The following ANKS1B variants were observed in gnomAD, a reference collection of about 807,000 sequenced individuals.
ANKS1B encodes ankyrin repeat and sterile alpha motif domain-containing protein 1B.
ANKS1B carries 36 observed loss-of-function variants against 148.3 expected under a neutral mutation model. That is an observed-to-expected ratio of 0.24 (90% CI 0.19 to 0.32). The LOEUF is 0.32. Among genes scored for constraint, ANKS1B ranks in the 10% least tolerant of loss-of-function variants. ANKS1B has a pLI of 1.00. For synonymous variants in ANKS1B, 542 were observed against 560.8 expected (o/e 0.97, Z 0.47); for missense variants, 1,157 against 1,542.6 (o/e 0.75, Z 4.19).
chr12:99,134,185 T>C (rs577581798), intron 15 of ANKS1B, among the ~76,000 whole-genome samples: 1 of 152,336 alleles, frequency 6.6e-6, no homozygotes, highest in Non-Finnish European at 1.5e-5. Context: ...ACTGTACTTC[T>C]ATTTCAAGAT....
At chr12:99,910,979 T>C (rs1171722814) in intron 1 of ANKS1B, among the ~76,000 whole-genome samples, 1 of 152,248 alleles carries the variant, frequency 6.6e-6, no homozygotes, top group Non-Finnish European at 1.5e-5. Flanking sequence ...TACGTAATCT[T>C]ATTAAAACCT....
At chr12:99,220,340 G>A (rs1234061069) in intron 14 of ANKS1B, among the ~76,000 whole-genome samples, 1 of 151,236 alleles carries the variant, frequency 6.6e-6, no homozygotes, top group Non-Finnish European at 1.5e-5. Context: ...ATGTGATGTT[G>A]ACACATGAGT....
intron 22 of ANKS1B, among the ~76,000 whole-genome samples, chr12:98,791,482 T>C (rs917565514): frequency 1.3e-5 from 2 of 152,216 alleles, no homozygotes; most frequent in Non-Finnish European, 2.9e-5. Flanking sequence ...CTGTATTCAC[T>C]ATGACTCACG....
Position 98,940,854 on chromosome 12 carries a change from T to C in ANKS1B, c.2779-108718A>G, listed in dbSNP as rs1597299214. On this transcript the variant is annotated intron_variant, in intron 17 of 26. Coordinates refer to ENST00000683438, the MANE Select transcript of ANKS1B (RefSeq NM_001352186.2). The stretch of plus-strand genomic sequence containing the variant: ...TGTTTGAATATGTCATTGAAAGGCA[T>C]ATCTCAAAAAATATTTACTAACATT... 2.0e-5 allele frequency among the ~76,000 whole-genome samples: 3 copies of C among 152,310 alleles called. No individual in the cohort carries two copies. The South Asian group carries it at 6.2e-4, about 32-fold the overall frequency.
chr12:99,366,014 C>T (rs752346518), intron 12 of ANKS1B, among the ~76,000 whole-genome samples: 3 of 152,224 alleles, frequency 2.0e-5, no homozygotes, highest in Non-Finnish European at 2.9e-5. Flanking sequence ...ATCAGCGTCA[C>T]TGGACCTGGA....
At chr12:98,946,283 G>T (rs756714121) in intron 17 of ANKS1B, among the ~76,000 whole-genome samples, 44 of 152,200 alleles carry the variant, frequency 2.9e-4, no homozygotes, top group Non-Finnish European at 3.8e-4. Flanking sequence ...TGTCCTAGAA[G>T]AATCACAGGG....
At chr12:98,779,526 A>G (rs1406437644) in intron 24 of ANKS1B, among the ~76,000 whole-genome samples, 1 of 152,170 alleles carries the variant, frequency 6.6e-6, no homozygotes. Flanking sequence ...TGTCAAATTC[A>G]TCCACTGAAA....
At chr12:99,290,410 C>T (rs142546431) in intron 12 of ANKS1B, among the ~76,000 whole-genome samples, 123 of 151,980 alleles carry the variant, frequency 8.1e-4, no homozygotes, top group African/African-American at 2.8e-3. Context: ...CCTCTAAACT[C>T]ATTCTATGAA....
rs967833033 is a variant in ANKS1B at position 99,243,905 on chromosome 12, A to G, written c.2419+437T>C. 5.3e-5 allele frequency among the ~76,000 whole-genome samples: 8 copies of G among 152,272 alleles called. 1 individual carries two copies. The highest frequency in any genetic ancestry group is 1.9e-4 in the African/African-American group (8 of 41,546). ...GCTGGGGGAGGGATAGCATTAGGAGAAATACCTAATGTAAATGACGAGTTG... is the reference window on the plus strand; with the variant it reads ...GCTGGGGGAGGGATAGCATTAGGAGGAATACCTAATGTAAATGACGAGTTG... On this transcript the variant is annotated intron_variant, in intron 14 of 26. Coordinates refer to ENST00000683438, the MANE Select transcript of ANKS1B (RefSeq NM_001352186.2).
rs573083131 is a variant in ANKS1B at position 99,655,007 on chromosome 12, T to C, written c.1272+60A>G. The C allele has an allele frequency of 4.9e-5, 73 of 1,502,644 alleles. 1 individual carries two copies. In the South Asian group the frequency reaches 9.9e-4, roughly 20 times the overall value. 93.1% of individuals were successfully genotyped at this position (1,502,644 alleles called of 1,614,324 possible). A position where few individuals can be genotyped will look rare whatever the true frequency, so the allele number is the denominator to read the frequency against. Reference sequence around the variant, plus strand: ...ATTTTCGAAGGGGAGGGAGATTTTATCTTAAAAACATAGGCAACCATTTTT... The same window carrying C: ...ATTTTCGAAGGGGAGGGAGATTTTACCTTAAAAACATAGGCAACCATTTTT... On this transcript the variant is annotated intron_variant, in intron 9 of 26. Coordinates refer to ENST00000683438, the MANE Select transcript of ANKS1B (RefSeq NM_001352186.2).
rs1437755332 is a variant in ANKS1B, at chr12:99,812,581, AGAGC to A, written c.216-274_216-271del. On this transcript the variant is annotated intron_variant, in intron 2 of 26. Transcript: ENST00000683438. Reference sequence around the variant, plus strand: ...CACAGAGAGAGAGAGAGAGAGAAAGAGAGCGAGAGCACACATTGACTAACCAATT... The same window carrying A: ...CACAGAGAGAGAGAGAGAGAGAAAGAGAGAGCACACATTGACTAACCAATT... 6.7e-5 allele frequency among the ~76,000 whole-genome samples: 10 copies of A among 148,790 alleles called. No individual in the cohort carries two copies. In the East Asian group the frequency reaches 1.4e-3, roughly 21 times the overall value.
At chr12:98,808,023 T>C (rs1248731285) in intron 19 of ANKS1B, 105 bp from the exon 20 acceptor site, 3 of 881,216 alleles carry the variant, frequency 3.4e-6, no homozygotes, top group Non-Finnish European at 5.2e-6. Flanking sequence ...ATGCAAAGAA[T>C]CACATTTAAA....
chr12:99,756,976 C>T (rs964617522), intron 8 of ANKS1B, among the ~76,000 whole-genome samples: 3 of 123,718 alleles, frequency 2.4e-5, no homozygotes, highest in Non-Finnish European at 5.2e-5. Context: ...AAATGTAATA[C>T]CCAAAACTAT....
At chr12:99,294,749 G>A (rs2080595690) in intron 12 of ANKS1B, among the ~76,000 whole-genome samples, 1 of 151,992 alleles carries the variant, frequency 6.6e-6, no homozygotes, top group Non-Finnish European at 1.5e-5. Context: ...CGCCTTCCAG[G>A]TTCAAGCAAT....
intron 2 of ANKS1B, among the ~76,000 whole-genome samples, chr12:99,821,531 A>C (rs2082499496): frequency 6.6e-6 from 1 of 151,856 alleles, no homozygotes; most frequent in South Asian, 2.1e-4. Context: ...TTAGAACTTC[A>C]TAGACTGTCA....
At chr12:98,749,355 C>A (rs1478685853) in intron 26 of ANKS1B, among the ~76,000 whole-genome samples, 1 of 152,062 alleles carries the variant, frequency 6.6e-6, no homozygotes, top group Non-Finnish European at 1.5e-5. Context: ...GATCTGCCCG[C>A]TTCGGACTCC....
chr12:99,441,927 C>A (rs1196300011), intron 11 of ANKS1B, among the ~76,000 whole-genome samples: 1 of 151,882 alleles, frequency 6.6e-6, no homozygotes, highest in Non-Finnish European at 1.5e-5. Context: ...ATCTGTTTTT[C>A]ATTCATTGAA....
rs568585676 is a variant in ANKS1B, at chr12:98,798,537, T to C, written c.3342+397A>G. ...GAAATTGCATAAAGAATATTAGCTT[T>C]ATATAATATGCTCTTAATACTTCTG... is the stretch of plus-strand genomic sequence containing the variant. On this transcript the variant is annotated intron_variant, in intron 22 of 26. Coordinates refer to ENST00000683438, the MANE Select transcript of ANKS1B (RefSeq NM_001352186.2). Among the ~76,000 whole-genome samples the C allele has an allele frequency of 1.4e-3, 207 of 152,316 alleles. 2 individuals carry two copies. The highest frequency in any genetic ancestry group is 4.6e-3 in the African/African-American group (192 of 41,584).
At chr12:98,740,307 T>G (rs2097791739), downstream of ANKS1B, among the ~76,000 whole-genome samples, 1 of 152,160 alleles carries the variant, frequency 6.6e-6, no homozygotes. Flanking sequence ...GCCAGCGCCC[T>G]CTACTCTCAC....
Sources: allele counts gnomAD v4.1 joint callset (sites outside exome capture counted in the v4.1 genomes callset), GRCh38; gene constraint gnomAD v4.1.1; transcripts MANE v1.5; gene names NCBI Gene and HGNC (gene_info 2026-07-23, HGNC 2026-07-21).